Variants in NFATC1 observed in about 807,000 individuals in gnomAD.
The protein encoded by NFATC1 is nuclear factor of activated T cells 1, also known as nuclear factor of activated T-cells, cytoplasmic 1.
A neutral mutation model predicts 76.0 loss-of-function variants in NFATC1; 22 were observed. That is an observed-to-expected ratio of 0.29 (90% confidence interval 0.21 to 0.41). The LOEUF is 0.41. Ranked by LOEUF, NFATC1 falls within the 10% of genes least tolerant of loss-of-function variation. The probability of loss-of-function intolerance (pLI) is 1.00; values close to 1 mark genes in which losing one functional copy is unlikely to be tolerated. For missense variants in NFATC1, 1,357 were observed against 1,337.7 expected (o/e 1.01, Z -0.23); for synonymous variants, 704 against 613.1 (o/e 1.15, Z -2.19).
At chr18:79,431,115 C>T (rs1008222241) in intron 2 of NFATC1, among the ~76,000 whole-genome samples, 3 of 152,174 alleles carry the variant, frequency 2.0e-5, no homozygotes, top group Admixed American at 1.3e-4. Context: ...AGCAGGCACC[C>T]GCAGGGCCCA....
At chr18:79,492,873 C>CAAA (rs397937205) in intron 9 of NFATC1, among the ~76,000 whole-genome samples, 2 of 68,634 alleles carry the variant, frequency 2.9e-5, no homozygotes, top group African/African-American at 1.4e-4. Context: ...GACTCCATCT[C>CAAA]AAAAAAAAAA....
intron 1 of NFATC1, among the ~76,000 whole-genome samples, chr18:79,405,568 G>A (rs939071040): frequency 6.6e-6 from 1 of 152,244 alleles, no homozygotes. Flanking sequence ...AGTGGCCCCC[G>A]GCGTGTGGGG....
chr18:79,410,017 A>G lies in NFATC1; in HGVS notation c.128-386A>G, dbSNP rs2085604267. 3.5e-6 allele frequency: 2 copies of G among 574,782 alleles called. No homozygotes were observed. Among genetic ancestry groups the G allele is most frequent in the Admixed American group, 1.9e-5 (1 of 52,444 alleles). 35.6% of individuals were successfully genotyped at this position (574,782 alleles called of 1,614,324 possible). The stretch of plus-strand genomic sequence containing the variant: ...TTTTGAATGAAGAGCGGAACCCGTG[A>G]GGACCCAGTCGCCTCTCTCTGGGAA... On this transcript the variant is annotated intron_variant, in intron 1 of 9. Transcript: ENST00000427363. The surrounding 1 kb of genome is among the most constrained non-coding windows in gnomAD (Gnocchi z 6.7).
At chr18:79,444,119 GA>G (rs1263668620) in intron 3 of NFATC1, among the ~76,000 whole-genome samples, 3 of 152,162 alleles carry the variant, frequency 2.0e-5, no homozygotes, top group Admixed American at 6.5e-5. Context: ...CCTGAAATGA[GA>G]AAAAAACTTT....
chr18:79,494,932 C>G (rs1183155257), intron 9 of NFATC1, among the ~76,000 whole-genome samples: 1 of 150,258 alleles, frequency 6.7e-6, no homozygotes, highest in Non-Finnish European at 1.5e-5. Flanking sequence ...CGGGCACACG[C>G]CCCCCATCAA....
At chr18:79,425,013 C>T (rs59332435) in intron 2 of NFATC1, among the ~76,000 whole-genome samples, 1 of 150,200 alleles carries the variant, frequency 6.7e-6, no homozygotes, top group Non-Finnish European at 1.5e-5. Context: ...GTCTGTCTCT[C>T]TCTCTGTCTC....
chr18:79,489,632 C>T (rs546206141), intron 9 of NFATC1, among the ~76,000 whole-genome samples: 2 of 152,322 alleles, frequency 1.3e-5, no homozygotes, highest in East Asian at 1.9e-4. Flanking sequence ...AAACTCGGAT[C>T]GAATGGGTCA....
At chr18:79,434,791 G>A (rs1201629066) in intron 3 of NFATC1, among the ~76,000 whole-genome samples, 1 of 152,262 alleles carries the variant, frequency 6.6e-6, no homozygotes, top group African/African-American at 2.4e-5. Context: ...TGCCAACGCA[G>A]CAGCCGGCGG....
At chr18:79,408,501 G>C (rs892028174) in intron 1 of NFATC1, among the ~76,000 whole-genome samples, 1 of 152,150 alleles carries the variant, frequency 6.6e-6, no homozygotes, top group Non-Finnish European at 1.5e-5. Flanking sequence ...TGATTCTTAG[G>C]ACTAGCTGTG....
intron 6 of NFATC1, among the ~76,000 whole-genome samples, chr18:79,453,835 C>T (rs958227733): frequency 1.3e-5 from 2 of 152,222 alleles, no homozygotes; most frequent in Non-Finnish European, 2.9e-5. Flanking sequence ...CAAGCACATT[C>T]CATGTTTTCA....
chr18:79,441,902 G>A (rs8096791), intron 3 of NFATC1, among the ~76,000 whole-genome samples: 2,011 of 152,202 alleles, frequency 0.013, 48 homozygotes, highest in African/African-American at 0.045. Flanking sequence ...ATCTAAACGT[G>A]GTGTTTCCGG....
chr18:79,515,477 G>T (rs1230250109), intron 9 of NFATC1, among the ~76,000 whole-genome samples: 2 of 151,990 alleles, frequency 1.3e-5, no homozygotes, highest in Non-Finnish European at 2.9e-5. Flanking sequence ...TGGTGGATGG[G>T]GGCTCGGAGG....
At chr18:79,429,286 C>T (rs960300706) in intron 2 of NFATC1, among the ~76,000 whole-genome samples, 5 of 149,370 alleles carry the variant, frequency 3.3e-5, no homozygotes, top group East Asian at 1.9e-4. Context: ...GCTCTGTGGG[C>T]GTCGGTCACC....
chr18:79,513,172 G>A (rs904524275), intron 9 of NFATC1, among the ~76,000 whole-genome samples: 3 of 152,220 alleles, frequency 2.0e-5, no homozygotes, highest in South Asian at 2.1e-4. Flanking sequence ...GTCAACTCCC[G>A]TCGGCGTAGA....
chr18:79,449,853 C>T (rs1027080102), intron 4 of NFATC1, among the ~76,000 whole-genome samples: 5 of 152,004 alleles, frequency 3.3e-5, no homozygotes, highest in African/African-American at 7.3e-5. Context: ...GAGATGGCGG[C>T]GGGGGGCCAC....
At chr18:79,507,904 G>A (rs1041636089) in intron 9 of NFATC1, among the ~76,000 whole-genome samples, 2 of 152,258 alleles carry the variant, frequency 1.3e-5, no homozygotes, top group African/African-American at 4.8e-5. Context: ...GAAGCTGGGG[G>A]CCGTCGCTCT....
intron 8 of NFATC1, among the ~76,000 whole-genome samples, chr18:79,474,792 GTT>G (rs894698427): frequency 3.5e-5 from 5 of 143,076 alleles, no homozygotes; most frequent in African/African-American, 1.3e-4. Flanking sequence ...CGAGGGAAGC[GTT>G]TTCACACTGT....
At chr18:79,490,075 C>G (rs2089631505) in intron 9 of NFATC1, among the ~76,000 whole-genome samples, 1 of 152,056 alleles carries the variant, frequency 6.6e-6, no homozygotes. Context: ...GCAGTGTCAG[C>G]TGTGGCCTGA....
rs948991415 is a variant in NFATC1 at position 79,465,724 on chromosome 18, C to G, written c.1960-1726C>G. On this transcript the variant is annotated intron_variant, in intron 7 of 9. Transcript: ENST00000427363. The surrounding 1 kb of genome is among the most constrained non-coding windows in gnomAD (Gnocchi z 4.2). ...GACCCACCTGGTGTAGCTGCTGACT[C>G]CATCGCAGCTGCCCTGAGCACTGCT... Among the ~76,000 whole-genome samples, 1 of 152,258 alleles carries G rather than the reference C, an allele frequency of 6.6e-6. No individual in the cohort carries two copies. The highest frequency in any genetic ancestry group is 1.5e-5 in the Non-Finnish European group (1 of 68,052).
Sources: allele counts gnomAD v4.1 joint callset (sites outside exome capture counted in the v4.1 genomes callset), GRCh38; gene constraint gnomAD v4.1.1; non-coding constraint Gnocchi (gnomAD v3.1); transcripts MANE v1.5; gene names NCBI Gene and HGNC (gene_info 2026-07-23, HGNC 2026-07-21).